Variants in GPR158 observed in about 807,000 individuals in gnomAD.
GPR158 encodes the protein metabotropic glycine receptor.
Under a neutral mutation model 78.2 loss-of-function variants are expected in GPR158, and 30 were observed. That is an observed-to-expected ratio of 0.38 (90% CI 0.29 to 0.52). The LOEUF (loss-of-function observed/expected upper bound fraction) is 0.52. Ranked by LOEUF, GPR158 falls within the 20% of genes least tolerant of loss-of-function variation. The pLI, the probability that GPR158 is intolerant of heterozygous loss-of-function variation, is 0.83. For missense variants in GPR158, 1,463 were observed against 1,523.5 expected, an observed-to-expected ratio of 0.96 and a Z score of 0.66; for synonymous variants, 581 against 591.1, an observed-to-expected ratio of 0.98 and a Z score of 0.25.
intron 2 of GPR158, among the ~76,000 whole-genome samples, chr10:25,292,365 G>A (rs1046494671): frequency 1.3e-5 from 2 of 152,024 alleles, no homozygotes; most frequent in African/African-American, 4.8e-5. Flanking sequence ...GGAATGAGCT[G>A]GTTGCTCCTT....
At chr10:25,424,632 A>G (rs1242535549) in intron 4 of GPR158, among the ~76,000 whole-genome samples, 1 of 151,812 alleles carries the variant, frequency 6.6e-6, no homozygotes, top group African/African-American at 2.4e-5. Flanking sequence ...ACCTTTTATT[A>G]AATAGGGAAT....
At chr10:25,336,438 C>T (rs987884820) in intron 2 of GPR158, among the ~76,000 whole-genome samples, 1 of 152,026 alleles carries the variant, frequency 6.6e-6, no homozygotes, top group Admixed American at 6.6e-5. Context: ...GCTGCTGTTA[C>T]TTGTTAACAG....
chr10:25,275,877 A>G (rs946324196), intron 2 of GPR158, among the ~76,000 whole-genome samples: 1 of 152,168 alleles, frequency 6.6e-6, no homozygotes. Context: ...GGATCCAGGT[A>G]TCTTGACTCC....
chr10:25,348,220 G>T (rs1219768914), intron 2 of GPR158, among the ~76,000 whole-genome samples: 1 of 151,852 alleles, frequency 6.6e-6, no homozygotes, highest in East Asian at 1.9e-4. Context: ...TTTAGACAGG[G>T]ATTTTAAGCC....
intron 5 of GPR158, among the ~76,000 whole-genome samples, chr10:25,481,213 G>GT (rs34268930): frequency 0.44 from 67,408 of 151,882 alleles, 16,054 homozygotes; most frequent in East Asian, 0.8. Context: ...GGGGCACAGA[G>GT]TGTCACCCAA....
intron 5 of GPR158, among the ~76,000 whole-genome samples, chr10:25,490,659 A>G (rs1466248223): frequency 6.7e-6 from 1 of 148,866 alleles, no homozygotes; most frequent in African/African-American, 2.5e-5. Context: ...TCCGTGGTGT[A>G]TATGTGCCAC....
In GPR158 at chr10:25,380,327, A is replaced by G. The variant is rs142199573; in HGVS notation, c.1009-15584A>G. 3.3e-5 allele frequency among the ~76,000 whole-genome samples: 5 copies of G among 152,296 alleles called. No homozygotes were observed. In the East Asian group the frequency reaches 9.7e-4, roughly 29 times the overall value. On this transcript the variant is annotated intron_variant, in intron 2 of 10. Transcript: ENST00000376351. ...GTTCTTTGTAGTTTCAAATGTGTATATATCCTAAAGTGTACTTTATAAAGT... is the reference window on the plus strand; with the variant it reads ...GTTCTTTGTAGTTTCAAATGTGTATGTATCCTAAAGTGTACTTTATAAAGT...
chr10:25,294,285 A>G (rs555419433), intron 2 of GPR158, among the ~76,000 whole-genome samples: 22 of 152,142 alleles, frequency 1.4e-4, no homozygotes, highest in Non-Finnish European at 3.2e-4. Flanking sequence ...TGATAGTGGG[A>G]GAAACTTTGT....
At position 25,282,244 on chromosome 10, in the gene GPR158, C is replaced by T. The variant is rs376432095; in HGVS notation, c.1008+61087C>T. Among the ~76,000 whole-genome samples the T allele has an allele frequency of 1.1e-3, 174 of 152,202 alleles. 1 individual carries two copies. Among genetic ancestry groups the T allele is most frequent in the African/African-American group, 4.0e-3 (165 of 41,532 alleles). ...ATTATACAGTATTTGGCCCTTTCAG[C>T]CTGGCTTCTTTTATTTATCATAATC... On this transcript the variant is annotated intron_variant, in intron 2 of 10. Transcript: ENST00000376351.
intron 4 of GPR158, among the ~76,000 whole-genome samples, chr10:25,422,981 A>C (rs1834771899): frequency 6.6e-6 from 1 of 151,090 alleles, no homozygotes; most frequent in African/African-American, 2.4e-5. Context: ...GAGTTACTTC[A>C]CTTACAATAA....
Position 25,289,379 on chromosome 10 carries a change from G to A in GPR158, c.1008+68222G>A, listed in dbSNP as rs532125942. On this transcript the variant is annotated intron_variant, in intron 2 of 10. Coordinates refer to ENST00000376351, the MANE Select transcript of GPR158 (RefSeq NM_020752.3). The stretch of plus-strand genomic sequence containing the variant: ...ACAGAGGGCGTGTTTAAAAGTAAGA[G>A]TTCAGCAAGCAGGTGAGGAAAAAGC... Among the ~76,000 whole-genome samples the A allele has an allele frequency of 4.2e-4, 64 of 152,306 alleles. 1 individual carries two copies. The highest frequency in any genetic ancestry group is 3.4e-3 in the Middle Eastern group (1 of 294).
At chr10:25,345,229 CT>C (rs1855357167) in intron 2 of GPR158, among the ~76,000 whole-genome samples, 1 of 151,976 alleles carries the variant, frequency 6.6e-6, no homozygotes, top group Admixed American at 6.6e-5. Context: ...AAGGGACCCT[CT>C]TGCTGGTTCA....
intron 2 of GPR158, among the ~76,000 whole-genome samples, chr10:25,268,408 G>A (rs567412122): frequency 1.3e-5 from 2 of 152,144 alleles, no homozygotes; most frequent in African/African-American, 4.8e-5. Context: ...TTTTTAAAAG[G>A]GAGAGTCTTC....
At chr10:25,251,245 G>T (rs898432154) in intron 2 of GPR158, among the ~76,000 whole-genome samples, 2 of 152,234 alleles carry the variant, frequency 1.3e-5, no homozygotes, top group South Asian at 2.1e-4. Context: ...ACAGCACACT[G>T]ATGGGTCTTG....
chr10:25,404,305 T>A (rs542048460), intron 3 of GPR158, among the ~76,000 whole-genome samples: 2 of 152,222 alleles, frequency 1.3e-5, no homozygotes, highest in African/African-American at 2.4e-5. Flanking sequence ...GATAGTCAAA[T>A]GAAGTTAAAT....
At position 25,345,733 on chromosome 10, in the gene GPR158, C is replaced by A. The variant is rs369977936; in HGVS notation, c.1009-50178C>A. Among the ~76,000 whole-genome samples, 12 of 151,918 alleles carry A rather than the reference C, an allele frequency of 7.9e-5. No homozygotes were observed. In the South Asian group the frequency reaches 2.3e-3, roughly 29 times the overall value. ...TCGCAGTTTTCACATCAGCTATGGA[C>A]GATGTCTTAATAAGGGCTTTCCTTA... On this transcript the variant is annotated intron_variant, in intron 2 of 10. Coordinates refer to ENST00000376351, the MANE Select transcript of GPR158 (RefSeq NM_020752.3).
At chr10:25,550,904 TTA>T (rs1836717570) in intron 5 of GPR158, 70 bp from the exon 6 acceptor site, 1 of 789,330 alleles carries the variant, frequency 1.3e-6, no homozygotes, top group African/African-American at 1.7e-5. Context: ...AAACATCAGG[TTA>T]TGAGATATTG....
At chr10:25,261,557 A>G (rs931155657) in intron 2 of GPR158, among the ~76,000 whole-genome samples, 6 of 152,126 alleles carry the variant, frequency 3.9e-5, no homozygotes, top group Non-Finnish European at 7.4e-5. Flanking sequence ...ATTAATTCTG[A>G]TAGACTAGTT....
intron 6 of GPR158, among the ~76,000 whole-genome samples, chr10:25,554,644 C>T (rs373333785): frequency 1.1e-3 from 171 of 152,222 alleles, no homozygotes; most frequent in African/African-American, 3.9e-3. Context: ...GATGGTCTCT[C>T]CCCACATTTC....
Sources: gnomAD v4.1 joint callset for allele counts (sites outside exome capture counted in the v4.1 genomes callset) on GRCh38, gnomAD v4.1.1 for gene constraint, MANE v1.5 for transcripts, NCBI Gene and HGNC (gene_info 2026-07-23, HGNC 2026-07-21) for gene names.